Variants in DLG2 observed in about 807,000 individuals in gnomAD.
The protein encoded by DLG2 is discs large MAGUK scaffold protein 2, also known as disks large homolog 2.
Under a neutral mutation model 132.5 loss-of-function variants are expected in DLG2, and 45 were observed. That is an observed-to-expected ratio of 0.34 (90% CI 0.27 to 0.44). DLG2 has a LOEUF of 0.44. DLG2 is among the 20% of genes least tolerant of loss of function. DLG2 has a pLI of 1.00. For missense variants in DLG2, 1,045 were observed against 1,196.9 expected, an observed-to-expected ratio of 0.87 and a Z score of 1.87; for synonymous variants, 424 against 419.6, an observed-to-expected ratio of 1.01 and a Z score of -0.13.
chr11:84,330,860 C>G (rs1345164021), intron 7 of DLG2, among the ~76,000 whole-genome samples: 1 of 152,166 alleles, frequency 6.6e-6, no homozygotes, highest in Non-Finnish European at 1.5e-5. Context: ...TCTTGTCACT[C>G]TCTTTGCCAT....
intron 3 of DLG2, among the ~76,000 whole-genome samples, chr11:85,440,781 C>A (rs895456421): frequency 3.9e-5 from 6 of 152,064 alleles, no homozygotes; most frequent in Non-Finnish European, 1.5e-5. Flanking sequence ...GGGTATAAAG[C>A]ACAGCAGGTA....
intron 15 of DLG2, among the ~76,000 whole-genome samples, chr11:83,923,423 C>G (rs1266516638): frequency 6.6e-6 from 1 of 152,076 alleles, no homozygotes; most frequent in Non-Finnish European, 1.5e-5. Context: ...TTAGTATGGC[C>G]AAATGGGAGG....
intron 5 of DLG2, among the ~76,000 whole-genome samples, chr11:85,138,594 C>T (rs1023869521): frequency 2.6e-5 from 4 of 152,150 alleles, no homozygotes; most frequent in African/African-American, 9.7e-5. Flanking sequence ...ATTCTATCTC[C>T]CAGAATTCCC....
intron 4 of DLG2, among the ~76,000 whole-genome samples, chr11:85,190,116 T>C (rs2080419121): frequency 6.6e-6 from 1 of 152,226 alleles, no homozygotes; most frequent in Non-Finnish European, 1.5e-5. Context: ...GAATAAATAG[T>C]TCAGGTACTC....
intron 21 of DLG2, among the ~76,000 whole-genome samples, chr11:83,507,855 C>G (rs1419264642): frequency 7.0e-6 from 1 of 143,168 alleles, no homozygotes; most frequent in Non-Finnish European, 1.5e-5. Context: ...CCACAAAAGG[C>G]CATCTGCAAG....
chr11:84,148,068 G>C (rs1237002114), intron 9 of DLG2, among the ~76,000 whole-genome samples: 3 of 152,122 alleles, frequency 2.0e-5, no homozygotes, highest in African/African-American at 7.2e-5. Flanking sequence ...CATTCAGGAA[G>C]TGGCTGATTC....
At chr11:84,817,160 C>T (rs993125402) in intron 6 of DLG2, among the ~76,000 whole-genome samples, 1 of 152,022 alleles carries the variant, frequency 6.6e-6, no homozygotes, top group South Asian at 2.1e-4. Context: ...AGAGGACAAG[C>T]ACTCTCTCTG....
At chr11:85,422,194 G>C (rs570097527) in intron 3 of DLG2, among the ~76,000 whole-genome samples, 2 of 152,264 alleles carry the variant, frequency 1.3e-5, no homozygotes, top group East Asian at 3.9e-4. Context: ...GAATTTCCCA[G>C]GAATTCTTTG....
intron 7 of DLG2, among the ~76,000 whole-genome samples, chr11:84,274,494 C>T (rs939222771): frequency 5.3e-5 from 8 of 152,284 alleles, no homozygotes; most frequent in East Asian, 1.9e-4. Flanking sequence ...ATAACATACA[C>T]GAAATATTTT....
At chr11:83,859,880 C>T (rs1223224876) in intron 16 of DLG2, among the ~76,000 whole-genome samples, 1 of 152,120 alleles carries the variant, frequency 6.6e-6, no homozygotes, top group Non-Finnish European at 1.5e-5. Context: ...GGACTTCTTG[C>T]CCTGCATCCC....
chr11:83,850,762 G>C (rs1237457934), intron 16 of DLG2, among the ~76,000 whole-genome samples: 1 of 152,136 alleles, frequency 6.6e-6, no homozygotes, highest in Non-Finnish European at 1.5e-5. Context: ...CCAAGGTTTG[G>C]CCAGCAGCTA....
chr11:84,616,108 T>A lies in DLG2; in HGVS notation c.358-81377A>T, dbSNP rs142117320. On this transcript the variant is annotated intron_variant, in intron 6 of 27. Coordinates refer to ENST00000376104, the MANE Select transcript of DLG2 (RefSeq NM_001142699.3). ...TTCAGACTGGAATGGCAAAGGGGGG[T>A]CAGAGAAGGCTAATCTAAGAAGGTT... Among the ~76,000 whole-genome samples the A allele has an allele frequency of 8.6e-5, 13 of 151,606 alleles. No individual in the cohort carries two copies. In the South Asian group the frequency reaches 2.5e-3, roughly 29 times the overall value.
At chr11:84,755,544 C>T (rs1303095706) in intron 6 of DLG2, among the ~76,000 whole-genome samples, 1 of 152,206 alleles carries the variant, frequency 6.6e-6, no homozygotes, top group East Asian at 1.9e-4. Context: ...CTGCCTCAGC[C>T]TCCCAAGTAG....
At chr11:85,032,775 C>A (rs1484775094) in intron 6 of DLG2, among the ~76,000 whole-genome samples, 1 of 152,134 alleles carries the variant, frequency 6.6e-6, no homozygotes, top group Non-Finnish European at 1.5e-5. Flanking sequence ...GAAGACTACA[C>A]AATGTGCAAC....
At chr11:84,699,812 A>G (rs1239477914) in intron 6 of DLG2, among the ~76,000 whole-genome samples, 2 of 151,616 alleles carry the variant, frequency 1.3e-5, no homozygotes, top group East Asian at 3.9e-4. Flanking sequence ...CATATAGGAT[A>G]GCTTCCAGAA....
intron 7 of DLG2, among the ~76,000 whole-genome samples, chr11:84,532,027 A>G (rs2099343743): frequency 6.6e-6 from 1 of 152,024 alleles, no homozygotes; most frequent in East Asian, 1.9e-4. Flanking sequence ...TCACCAAAAC[A>G]GCAGATGTTC....
intron 3 of DLG2, among the ~76,000 whole-genome samples, chr11:85,392,135 C>T (rs2086849953): frequency 6.6e-6 from 1 of 152,094 alleles, no homozygotes; most frequent in Admixed American, 6.6e-5. Flanking sequence ...CTCTGCTATA[C>T]ACCAACAGCG....
intron 3 of DLG2, among the ~76,000 whole-genome samples, chr11:85,341,360 T>A (rs1423607806): frequency 6.6e-6 from 1 of 152,200 alleles, no homozygotes; most frequent in African/African-American, 2.4e-5. Flanking sequence ...GACCTCGTGA[T>A]CTGCCCGCCT....
At chr11:83,523,836 AG>A (rs1266029872) in intron 21 of DLG2, among the ~76,000 whole-genome samples, 2 of 152,176 alleles carry the variant, frequency 1.3e-5, no homozygotes, top group Admixed American at 6.5e-5. Flanking sequence ...TGGCAGGGGC[AG>A]GGGGCGGGGT....
Sources: allele counts gnomAD v4.1 joint callset (sites outside exome capture counted in the v4.1 genomes callset), GRCh38; gene constraint gnomAD v4.1.1; transcripts MANE v1.5; gene names NCBI Gene and HGNC (gene_info 2026-07-23, HGNC 2026-07-21).